The following FAM193B variants were observed in gnomAD, a reference collection of about 807,000 sequenced individuals.
FAM193B encodes family with sequence similarity 193 member B, also known as protein FAM193B.
A neutral mutation model predicts 70.7 loss-of-function variants in FAM193B; 27 were observed. The observed-to-expected ratio is 0.38, with a 90% confidence interval of 0.28 to 0.53. FAM193B has a LOEUF of 0.53. Among genes scored for constraint, FAM193B ranks in the 20% least tolerant of loss-of-function variants. The pLI is 0.81. For missense variants in FAM193B, 1,022 were observed against 1,072.5 expected (o/e 0.95, Z 0.66); for synonymous variants, 448 against 436.0 (o/e 1.03, Z -0.34).
chr5:177,551,095 A>G (rs551786343), intron 1 of FAM193B, among the ~76,000 whole-genome samples: 1 of 151,908 alleles, frequency 6.6e-6, no homozygotes, highest in Non-Finnish European at 1.5e-5. Flanking sequence ...TCAGCCTCCC[A>G]AAGTGCCGGG....
At chr5:177,523,340 G>A (rs1581833933) in intron 7 of FAM193B, 1 of 265,496 alleles carries the variant, frequency 3.8e-6, no homozygotes, top group African/African-American at 2.2e-5. Flanking sequence ...ATTTAGTAAT[G>A]TATTGCTATT....
intron 1 of FAM193B, chr5:177,553,769 GAC>G: frequency 7.8e-7 from 1 of 1,287,672 alleles, no homozygotes; most frequent in Non-Finnish European, 1.0e-6. Context: ...GGCGCCAGGA[GAC>G]ACAGCTGCTG....
intron 5 of FAM193B, chr5:177,531,324 G>A (rs776564548): frequency 5.9e-6 from 8 of 1,355,238 alleles, no homozygotes; most frequent in South Asian, 2.3e-5. Flanking sequence ...CGGCCCTGGC[G>A]CTGTTGGGGA....
chr5:177,531,996 G>C, intron 5 of FAM193B: 2 of 1,290,730 alleles, frequency 1.5e-6, no homozygotes, highest in South Asian at 2.5e-5. Context: ...GCCAGAGCCA[G>C]CATGCCCTCT....
Position 177,525,104 on chromosome 5 carries a change from C to T in FAM193B, c.1377G>A (p.Trp459Ter). 1.3e-6 allele frequency: 2 copies of T among 1,588,884 alleles called. No homozygotes were observed. Among genetic ancestry groups the T allele is most frequent in the Non-Finnish European group, 8.6e-7 (1 of 1,168,604 alleles). Reference protein sequence around the residue: ...PRPARERLLEWPDRELDRVNS... With the variant: ...PRPARERLLE ...TGACCCGATCCAGTTCCCGGTCGGG[C>T]CACTCCAAGAGCCTCTCCCTGGCAG... The change falls in exon 6 of 9, where the codon TGG becomes TGA. Residue 459 changes from tryptophan (W) to a stop codon, truncating the protein, a stop_gained. Coordinates refer to ENST00000514747, the MANE Select transcript of FAM193B (RefSeq NM_001190946.3). LOFTEE classifies it high-confidence loss of function.
intron 1 of FAM193B, among the ~76,000 whole-genome samples, chr5:177,552,645 T>C (rs375502658): frequency 4.6e-5 from 7 of 152,176 alleles, no homozygotes; most frequent in African/African-American, 1.7e-4. Flanking sequence ...GGTCCCAGAG[T>C]AGGCTGGTGG....
chr5:177,540,306 CAA>C (rs71585639), intron 1 of FAM193B, among the ~76,000 whole-genome samples: 53 of 102,434 alleles, frequency 5.2e-4, no homozygotes, highest in South Asian at 9.5e-4. Context: ...GACTCCGTCT[CAA>C]AAAAAAAAAA....
Position 177,532,383 on chromosome 5 carries a change from G to A in FAM193B, c.1275+60C>T. ...ACGGGGTCTCTGGGGAGAGCAGGGT[G>A]CTCCTTTTGCTCACCTTGGCTGGCC... On this transcript the variant is annotated intron_variant, in intron 5 of 8. Transcript: ENST00000514747. The surrounding 1 kb of genome is among the most constrained non-coding windows in gnomAD (Gnocchi z 4.9). 3.2e-6 allele frequency: 5 copies of A among 1,552,914 alleles called. No homozygotes were observed. Among genetic ancestry groups the A allele is most frequent in the Non-Finnish European group, 4.3e-6 (5 of 1,152,118 alleles).
At chr5:177,550,204 C>G (rs1766019370) in intron 1 of FAM193B, among the ~76,000 whole-genome samples, 1 of 151,952 alleles carries the variant, frequency 6.6e-6, no homozygotes, top group Admixed American at 6.6e-5. Context: ...TTTCAAAGGT[C>G]TTTTGACATT....
At chr5:177,526,845 C>T (rs1178411687) in intron 5 of FAM193B, among the ~76,000 whole-genome samples, 2 of 152,232 alleles carry the variant, frequency 1.3e-5, no homozygotes, top group African/African-American at 2.4e-5. Flanking sequence ...AACCATTTAC[C>T]GACCATTGAG....
intron 1 of FAM193B, chr5:177,553,246 G>C (rs1766536905): frequency 1.0e-6 from 1 of 986,058 alleles, no homozygotes; most frequent in African/African-American, 1.7e-5. Context: ...AGAGTCCCCT[G>C]CTGCCCGATG....
At position 177,520,452 on chromosome 5, in the gene FAM193B, C is replaced by T. The variant is rs183648931; in HGVS notation, c.*2-271G>A. The stretch of plus-strand genomic sequence containing the variant: ...GCCTTTGGCACTTGCTGTCCATCAG[C>T]AGGGGCTGGGAGGCCAGCTGTGCAG... On this transcript the variant is annotated intron_variant, in intron 8 of 8. Coordinates refer to ENST00000514747, the MANE Select transcript of FAM193B (RefSeq NM_001190946.3). 2.6e-5 allele frequency among the ~76,000 whole-genome samples: 4 copies of T among 152,316 alleles called. No homozygotes were observed. The East Asian group carries it at 7.7e-4, about 29-fold the overall frequency.
At chr5:177,543,474 C>T (rs1394363640) in intron 1 of FAM193B, among the ~76,000 whole-genome samples, 3 of 152,234 alleles carry the variant, frequency 2.0e-5, no homozygotes, top group Admixed American at 6.5e-5. Context: ...GAGTTTGGTA[C>T]ACTTGAGTCC....
chr5:177,547,637 G>A (rs1581935488), intron 1 of FAM193B, among the ~76,000 whole-genome samples: 1 of 152,222 alleles, frequency 6.6e-6, no homozygotes, highest in East Asian at 1.9e-4. Context: ...TGACTTCAAG[G>A]CCTCTTTGAA....
intron 5 of FAM193B, among the ~76,000 whole-genome samples, chr5:177,527,820 G>A (rs1343237242): frequency 1.3e-5 from 2 of 152,162 alleles, no homozygotes; most frequent in East Asian, 1.9e-4. Context: ...GGTGGGAGGC[G>A]GTGCCATTGA....
In FAM193B at chr5:177,536,576, G is replaced by A; in HGVS notation, c.858C>T (p.Phe286=). The A allele has an allele frequency of 6.6e-7, 1 of 1,524,860 alleles. No individual in the cohort carries two copies. The highest frequency in any genetic ancestry group is 8.8e-7 in the Non-Finnish European group (1 of 1,141,852). The allele number at this position is 1,524,860 out of a possible 1,614,324, so 94.5% of individuals were successfully genotyped here. A position where few individuals can be genotyped will look rare whatever the true frequency, so the allele number is the denominator to read the frequency against. ...HLLPTTPAAP[F]PAQASECPVA... ...CAGGGCACTCTGAAGCCTGGGCAGG[G>A]AAAGGTGCTGCCGGGGTGGTGGGCA... Residue 286 remains phenylalanine (F), a synonymous_variant, in exon 4 of 9, where the codon TTC becomes TTT. Coordinates refer to ENST00000514747, the MANE Select transcript of FAM193B (RefSeq NM_001190946.3).
At chr5:177,523,818 C>CT (rs1465729060) in intron 7 of FAM193B, 139 bp downstream of exon 7, 2 of 897,452 alleles carry the variant, frequency 2.2e-6, no homozygotes, top group African/African-American at 3.3e-5. Context: ...GGGAGAGGGC[C>CT]TGGGGGGGCG....
intron 5 of FAM193B, among the ~76,000 whole-genome samples, chr5:177,529,498 G>T (rs950481382): frequency 8.5e-5 from 13 of 152,108 alleles, no homozygotes; most frequent in Non-Finnish European, 1.9e-4. Flanking sequence ...GTCTGGAAAG[G>T]CAGGGCTGCC....
In FAM193B at chr5:177,524,194, A is replaced by C. The variant is rs1172709894; in HGVS notation, c.2287T>G (p.Ser763Ala). The change falls in exon 6 of 9, where the codon TCC (serine) becomes GCC (alanine). Residue 763 changes from serine to alanine, a missense_variant. Ser to Ala is a moderately conservative substitution (Grantham distance 99, BLOSUM62 1). Transcript: ENST00000514747. ...TTCCTGGTGCACTCACCCAAGGAGGAGGCTGGCTTCTCCTGCTTGTTGCGG... is the reference window on the plus strand; with the variant it reads ...TTCCTGGTGCACTCACCCAAGGAGGCGGCTGGCTTCTCCTGCTTGTTGCGG... ...RSRNKQEKPA[S>A]SLDDVFLPKD... 6 of 1,560,668 alleles carry C rather than the reference A, an allele frequency of 3.8e-6. 1 individual carries two copies. Among genetic ancestry groups the C allele is most frequent in the Admixed American group, 3.7e-5 (2 of 53,640 alleles).
Sources: gnomAD v4.1 joint callset for allele counts (sites outside exome capture counted in the v4.1 genomes callset) on GRCh38, gnomAD v4.1.1 for gene constraint, Gnocchi (gnomAD v3.1) non-coding constraint, MANE v1.5 for transcripts, NCBI Gene and HGNC (gene_info 2026-07-23, HGNC 2026-07-21) for gene names.